The following CSMD3 variants were observed in gnomAD, a reference collection of about 807,000 sequenced individuals.
CSMD3 encodes the protein CUB and Sushi multiple domains 3, also known as CUB and sushi domain-containing protein 3.
In CSMD3, 177 loss-of-function variants were observed where a neutral mutation model predicts 435.2. That is an observed-to-expected ratio of 0.41 (90% CI 0.36 to 0.46). CSMD3 has a LOEUF of 0.46. CSMD3 is among the 20% of genes least tolerant of loss of function. The probability of loss-of-function intolerance (pLI) is 0.34; values close to 1 mark genes in which losing one functional copy is unlikely to be tolerated. For synonymous variants in CSMD3, 1,656 were observed against 1,520.5 expected (o/e 1.09, Z -2.07); for missense variants, 4,265 against 4,504.6 (o/e 0.95, Z 1.52).
At chr8:112,770,910 A>G (rs1285678468) in intron 13 of CSMD3, among the ~76,000 whole-genome samples, 1 of 151,906 alleles carries the variant, frequency 6.6e-6, no homozygotes, top group Non-Finnish European at 1.5e-5. Flanking sequence ...GTAAACTAGG[A>G]TTTTCAAACT....
intron 32 of CSMD3, among the ~76,000 whole-genome samples, chr8:112,420,095 T>A (rs753467396): frequency 1.3e-5 from 2 of 152,158 alleles, no homozygotes; most frequent in Admixed American, 1.3e-4. Context: ...GTCAGAAAGA[T>A]TAAAGCCAGA....
At chr8:112,479,551 C>T (rs569049801) in intron 31 of CSMD3, among the ~76,000 whole-genome samples, 12 of 152,290 alleles carry the variant, frequency 7.9e-5, no homozygotes, top group Non-Finnish European at 1.6e-4. Flanking sequence ...TGTACCAGGC[C>T]CATGGCCCTG....
chr8:112,233,032 A>G (rs1478489045), intron 68 of CSMD3, among the ~76,000 whole-genome samples: 2 of 152,218 alleles, frequency 1.3e-5, no homozygotes, highest in African/African-American at 2.4e-5. Context: ...AATGTTGCCA[A>G]TGCTAAATAC....
chr8:112,276,945 A>T (rs1818112100), intron 59 of CSMD3, among the ~76,000 whole-genome samples: 1 of 151,924 alleles, frequency 6.6e-6, no homozygotes. Context: ...ACACAGCAGG[A>T]AGGCCCTGGG....
rs2079831226 is a variant in CSMD3, at chr8:112,830,290, T to A, written c.1756-501A>T. Among the ~76,000 whole-genome samples, 6 of 152,284 alleles carry A rather than the reference T, an allele frequency of 3.9e-5. No homozygotes were observed. The South Asian group carries it at 1.2e-3, about 32-fold the overall frequency. ...TAAACTTGAATCTAGATTGCCAGAATGGTATCAAGTTTATTTTTATGTATC... is the reference window on the plus strand; with the variant it reads ...TAAACTTGAATCTAGATTGCCAGAAAGGTATCAAGTTTATTTTTATGTATC... On this transcript the variant is annotated intron_variant, in intron 11 of 70. Transcript: ENST00000297405.
At chr8:112,767,032 T>C (rs1300200946) in intron 13 of CSMD3, among the ~76,000 whole-genome samples, 2 of 151,866 alleles carry the variant, frequency 1.3e-5, no homozygotes, top group Non-Finnish European at 2.9e-5. Flanking sequence ...TGTAGAAATG[T>C]ACTATAAATG....
chr8:113,064,017 C>A (rs1587996396), intron 5 of CSMD3, among the ~76,000 whole-genome samples: 1 of 151,174 alleles, frequency 6.6e-6, no homozygotes, highest in African/African-American at 2.4e-5. Flanking sequence ...TAATAATAGT[C>A]CTTTAATAAT....
chr8:112,725,387 A>T (rs2076941741), intron 13 of CSMD3, among the ~76,000 whole-genome samples: 1 of 151,812 alleles, frequency 6.6e-6, no homozygotes, highest in Admixed American at 6.6e-5. Flanking sequence ...AAAGATTTTG[A>T]CTACCTGTGT....
intron 16 of CSMD3, among the ~76,000 whole-genome samples, chr8:112,679,705 C>G (rs1434807043): frequency 6.6e-6 from 1 of 152,124 alleles, no homozygotes; most frequent in East Asian, 1.9e-4. Flanking sequence ...CACCATGAAG[C>G]TAGGCACCAA....
At chr8:112,280,485 T>C (rs1392360492) in intron 59 of CSMD3, among the ~76,000 whole-genome samples, 6 of 150,208 alleles carry the variant, frequency 4.0e-5, no homozygotes, top group Non-Finnish European at 8.9e-5. Context: ...TTTCCCAGGG[T>C]GATCTCAAAC....
At chr8:112,751,075 A>T (rs58134574) in intron 13 of CSMD3, among the ~76,000 whole-genome samples, 1 of 5,264 alleles carries the variant, frequency 1.9e-4, no homozygotes, top group African/African-American at 2.5e-3. Flanking sequence ...GCTTTGTATT[A>T]AAAAAAAAAA....
At chr8:112,426,582 T>A (rs951301908) in intron 32 of CSMD3, among the ~76,000 whole-genome samples, 1 of 152,166 alleles carries the variant, frequency 6.6e-6, no homozygotes, top group Non-Finnish European at 1.5e-5. Flanking sequence ...TCTTAGCTAA[T>A]GTCTATTCAT....
Position 113,068,637 on chromosome 8 carries a change from C to A in CSMD3, c.917+30119G>T, listed in dbSNP as rs1266483036. 2.0e-5 allele frequency among the ~76,000 whole-genome samples: 3 copies of A among 152,108 alleles called. No homozygotes were observed. The East Asian group carries it at 5.8e-4, about 29-fold the overall frequency. Reference sequence around the variant, plus strand: ...ACTACGGAAGTACAAATTAAGAGGTCCTATTAGATGACCAGAACTAAGCCT... The same window carrying A: ...ACTACGGAAGTACAAATTAAGAGGTACTATTAGATGACCAGAACTAAGCCT... On this transcript the variant is annotated intron_variant, in intron 5 of 70. Coordinates refer to ENST00000297405, the MANE Select transcript of CSMD3 (RefSeq NM_198123.2).
Position 113,193,208 on chromosome 8 carries a change from T to C in CSMD3, c.515-19292A>G, listed in dbSNP as rs112442365. 4.5e-3 allele frequency among the ~76,000 whole-genome samples: 688 copies of C among 151,304 alleles called. 4 individuals are homozygous for C. Among genetic ancestry groups the C allele is most frequent in the Non-Finnish European group, 7.2e-3 (483 of 67,540 alleles). On this transcript the variant is annotated intron_variant, in intron 3 of 70. Coordinates refer to ENST00000297405, the MANE Select transcript of CSMD3 (RefSeq NM_198123.2). ...ATTCGTATTGTGCCTCTCTTTTCAA[T>C]TGTATCTGAGACCTACTATTCAGAG... is the stretch of plus-strand genomic sequence containing the variant.
chr8:113,278,867 C>T (rs183896454), intron 2 of CSMD3, among the ~76,000 whole-genome samples, 163 bp from the exon 3 acceptor site: 1 of 151,834 alleles, frequency 6.6e-6, no homozygotes, highest in East Asian at 1.9e-4. Flanking sequence ...CCCAGTTAAA[C>T]TCATTTTGGA....
intron 1 of CSMD3, among the ~76,000 whole-genome samples, chr8:113,432,337 G>A (rs1040769218): frequency 1.3e-5 from 2 of 152,174 alleles, no homozygotes; most frequent in African/African-American, 4.8e-5. Flanking sequence ...ACCGCATTCA[G>A]GGAGAAGAGA....
chr8:112,233,308 CACA>C (rs1276707012), intron 68 of CSMD3, among the ~76,000 whole-genome samples: 1 of 152,172 alleles, frequency 6.6e-6, no homozygotes, highest in East Asian at 1.9e-4. Flanking sequence ...TCTGACATTT[CACA>C]ACAACTGATT....
At chr8:112,389,867 C>T (rs1830271014) in intron 36 of CSMD3, among the ~76,000 whole-genome samples, 1 of 152,070 alleles carries the variant, frequency 6.6e-6, no homozygotes, top group Non-Finnish European at 1.5e-5. Context: ...AAATATATAT[C>T]TTTATGTAAA....
intron 38 of CSMD3, among the ~76,000 whole-genome samples, chr8:112,356,436 T>C (rs1042952467): frequency 1.3e-5 from 2 of 152,080 alleles, no homozygotes; most frequent in Admixed American, 6.5e-5. Flanking sequence ...TATTGTCACT[T>C]ATAAGTGGGA....
Sources: gnomAD v4.1 joint callset for allele counts (sites outside exome capture counted in the v4.1 genomes callset) on GRCh38, gnomAD v4.1.1 for gene constraint, MANE v1.5 for transcripts, NCBI Gene and HGNC (gene_info 2026-07-23, HGNC 2026-07-21) for gene names.